SEC14L6: variants seen among roughly 807,000 people sequenced by gnomAD.
The protein encoded by SEC14L6 is SEC14-like protein 6.
SEC14L6 carries 40 observed loss-of-function variants against 54.1 expected under a neutral mutation model. The ratio of observed to expected loss-of-function variants is 0.74; its 90% CI spans 0.57 to 0.96. The LOEUF is 0.96. Among genes scored for constraint, SEC14L6 ranks in the 40% least tolerant of loss-of-function variants. The pLI, the probability that SEC14L6 is intolerant of heterozygous loss-of-function variation, is 0.00. For missense variants in SEC14L6, 471 were observed against 498.3 expected (o/e 0.95, Z 0.52); for synonymous variants, 171 against 198.4 (o/e 0.86, Z 1.16).
rs1168703375 is a variant in SEC14L6 at position 30,543,857 on chromosome 22, C to A, written c.54+2772G>T. On this transcript the variant is annotated intron_variant, in intron 1 of 11. Transcript: ENST00000402034. ...CAGGACACAAATGATATCACATATG[C>A]GGACCTGAACCTGCCCAAGGGGAAG... 3.9e-6 allele frequency: 6 copies of A among 1,521,470 alleles called. No homozygotes were observed. In the East Asian group the frequency reaches 1.1e-4, roughly 29 times the overall value. The allele number at this position is 1,521,470 out of a possible 1,614,324, so 94.2% of individuals were successfully genotyped here. A position where few individuals can be genotyped will look rare whatever the true frequency, so the allele number is the denominator to read the frequency against.
chr22:30,543,808 G>A (rs1019447355), intron 1 of SEC14L6: 32 of 1,507,056 alleles, frequency 2.1e-5, no homozygotes, highest in Non-Finnish European at 2.7e-5. Context: ...GCATGAACCC[G>A]AGAAGAATGC....
chr22:30,540,568 T>A (rs1486161532), intron 1 of SEC14L6, among the ~76,000 whole-genome samples: 1 of 151,836 alleles, frequency 6.6e-6, no homozygotes, highest in African/African-American at 2.4e-5. Context: ...ATACAATAAT[T>A]AGCCAGGTGT....
chr22:30,524,946 C>G lies in SEC14L6; in HGVS notation c.*51G>C. The G allele has an allele frequency of 1.1e-6, 1 of 940,786 alleles. No individual in the cohort carries two copies. The highest frequency in any genetic ancestry group is 1.4e-5 in the South Asian group (1 of 71,670). 58.3% of individuals were successfully genotyped at this position (940,786 alleles called of 1,614,324 possible). A position where few individuals can be genotyped will look rare whatever the true frequency, so the allele number is the denominator to read the frequency against. On this transcript the variant is annotated 3_prime_UTR_variant, in exon 12 of 12. Transcript: ENST00000402034. Reference sequence around the variant, plus strand: ...GTCTGGCCAGGGAAGGCTGTGAACTCATTGTGGATTCAGAGATCAAAGAGG... The same window carrying G: ...GTCTGGCCAGGGAAGGCTGTGAACTGATTGTGGATTCAGAGATCAAAGAGG...
At chr22:30,542,302 C>G (rs1037299570) in intron 1 of SEC14L6, among the ~76,000 whole-genome samples, 1 of 152,190 alleles carries the variant, frequency 6.6e-6, no homozygotes, top group Non-Finnish European at 1.5e-5. Flanking sequence ...GCAGACACCC[C>G]CCCACCCCCG....
intron 1 of SEC14L6, among the ~76,000 whole-genome samples, chr22:30,541,704 G>A (rs117462236): frequency 0.02 from 3,044 of 151,876 alleles, 68 homozygotes; most frequent in Admixed American, 0.031. Context: ...TGTGGTGTGC[G>A]TGCCTGTAGT....
chr22:30,531,883 C>A lies in SEC14L6; in HGVS notation c.519+20G>T. 1 of 1,535,084 alleles carries A rather than the reference C, an allele frequency of 6.5e-7. No homozygotes were observed. The highest frequency in any genetic ancestry group is 8.8e-7 in the Non-Finnish European group (1 of 1,133,316). ...CAGGCATTTGACCACCCACCCATGC[C>A]CCTGGCGGGGTCACCTCACCTCCTG... is the stretch of plus-strand genomic sequence containing the variant. On this transcript the variant is annotated intron_variant, in intron 6 of 11. Coordinates refer to ENST00000402034, the MANE Select transcript of SEC14L6 (RefSeq NM_001193336.4).
chr22:30,524,408 C>T lies in SEC14L6; in HGVS notation c.*589G>A, dbSNP rs1936699219. On this transcript the variant is annotated 3_prime_UTR_variant, in exon 12 of 12. Coordinates refer to ENST00000402034, the MANE Select transcript of SEC14L6 (RefSeq NM_001193336.4). ...TTTATTTTTTTGAGACAGAGTCTCA[C>T]TCTGTCACCCAGACTGGAGTGCAGT... 6.6e-6 allele frequency: 1 copy of T among 152,200 alleles called. No homozygotes were observed. The highest frequency in any genetic ancestry group is 2.4e-5 in the African/African-American group (1 of 41,442). 9.4% of individuals were successfully genotyped at this position (152,200 alleles called of 1,614,324 possible). A position where few individuals can be genotyped will look rare whatever the true frequency, so the allele number is the denominator to read the frequency against.
At chr22:30,542,920 G>A (rs1371330266) in intron 1 of SEC14L6, 2 of 1,600,834 alleles carry the variant, frequency 1.2e-6, no homozygotes, top group Non-Finnish European at 8.5e-7. Context: ...AGCAGATGCC[G>A]GCACCTACTA....
chr22:30,535,216 G>C (rs1568970379), intron 2 of SEC14L6, among the ~76,000 whole-genome samples: 1 of 152,170 alleles, frequency 6.6e-6, no homozygotes, highest in South Asian at 2.1e-4. Flanking sequence ...AAACAAATGG[G>C]AGTGAGGTCC....
At chr22:30,533,910 G>T in intron 3 of SEC14L6, 86 bp downstream of exon 3, 1 of 1,235,268 alleles carries the variant, frequency 8.1e-7, no homozygotes, top group Non-Finnish European at 1.2e-6. Flanking sequence ...TGAATGAATG[G>T]ATGGATGAAT....
chr22:30,533,933 T>C (rs1322723718), intron 3 of SEC14L6, 63 bp downstream of exon 3: 1 of 1,395,310 alleles, frequency 7.2e-7, no homozygotes, highest in African/African-American at 1.4e-5. Flanking sequence ...ATGAATAAAT[T>C]TGTGCCTCAG....
intron 2 of SEC14L6, among the ~76,000 whole-genome samples, chr22:30,534,897 C>T (rs1407585483): frequency 6.6e-6 from 1 of 151,898 alleles, no homozygotes; most frequent in Admixed American, 6.6e-5. Flanking sequence ...TGGTGGTGGG[C>T]ACCTGTAATC....
intron 7 of SEC14L6, 21 bp from the exon 8 acceptor site, chr22:30,529,191 G>A: frequency 3.2e-6 from 5 of 1,550,228 alleles, no homozygotes; most frequent in Non-Finnish European, 8.7e-7. Context: ...GCACAGAACT[G>A]CTCCCTCAGG....
intron 1 of SEC14L6, among the ~76,000 whole-genome samples, chr22:30,544,861 C>T (rs1487247569): frequency 6.6e-6 from 1 of 152,188 alleles, no homozygotes; most frequent in Non-Finnish European, 1.5e-5. Flanking sequence ...AACGTGCAAT[C>T]TTGAAACTGA....
chr22:30,528,798 C>T (rs1194375120), intron 8 of SEC14L6, among the ~76,000 whole-genome samples: 5 of 152,204 alleles, frequency 3.3e-5, no homozygotes, highest in Non-Finnish European at 7.3e-5. Flanking sequence ...GAGTGACTCA[C>T]TCCGCTTGCA....
chr22:30,534,764 C>A (rs544568158), intron 2 of SEC14L6, among the ~76,000 whole-genome samples: 40 of 152,226 alleles, frequency 2.6e-4, no homozygotes, highest in African/African-American at 9.2e-4. Context: ...ATGGCTCATG[C>A]CTATAATCCC....
At chr22:30,539,849 G>T (rs932303908) in intron 1 of SEC14L6, among the ~76,000 whole-genome samples, 2 of 152,194 alleles carry the variant, frequency 1.3e-5, no homozygotes, top group Non-Finnish European at 2.9e-5. Flanking sequence ...CCTGGGAGTT[G>T]GTTAGGACAG....
At chr22:30,532,760 G>A (rs977106021) in intron 4 of SEC14L6, 37 bp downstream of exon 4, 1 of 1,605,288 alleles carries the variant, frequency 6.2e-7, no homozygotes, top group Non-Finnish European at 8.5e-7. Flanking sequence ...AGGGCTGAGG[G>A]CCCAGGGATC....
At chr22:30,543,948 G>A in intron 1 of SEC14L6, 1 of 1,606,232 alleles carries the variant, frequency 6.2e-7, no homozygotes, top group South Asian at 1.1e-5. Context: ...AGACCAGCCT[G>A]CAGCCTGCGT....
Sources: allele counts gnomAD v4.1 joint callset (sites outside exome capture counted in the v4.1 genomes callset), GRCh38; gene constraint gnomAD v4.1.1; transcripts MANE v1.5; gene names NCBI Gene and HGNC (gene_info 2026-07-23, HGNC 2026-07-21).